Variants in CCDC171 observed in about 807,000 individuals in gnomAD.
The protein encoded by CCDC171 is coiled-coil domain containing 171, also known as coiled-coil domain-containing protein 171.
Under a neutral mutation model 168.2 loss-of-function variants are expected in CCDC171, and 177 were observed. The observed-to-expected ratio is 1.05, with a 90% CI of 0.93 to 1.19. The LOEUF is 1.19. Among genes scored for constraint, CCDC171 ranks in the 50% most tolerant of loss-of-function variants. CCDC171 has a pLI of 0.00. For missense variants in CCDC171, 1,991 were observed against 1,539.0 expected (o/e 1.29, Z -4.91); for synonymous variants, 687 against 540.8 (o/e 1.27, Z -3.75).
At chr9:16,107,646 G>GT in the CCDC171 span, among the ~76,000 whole-genome samples, 2 of 151,962 alleles carry the variant, frequency 1.3e-5, no homozygotes, top group Admixed American at 1.3e-4. Context: ...ACATGTAAGT[G>GT]TTTTTTTCTG....
intron 1 of CCDC171, among the ~76,000 whole-genome samples, chr9:16,046,334 T>C (rs963371938): frequency 6.6e-6 from 1 of 152,106 alleles, no homozygotes; most frequent in Admixed American, 6.5e-5. Flanking sequence ...GCCAGGCTTT[T>C]TGAGGCCCAA....
intron 3 of CCDC171, among the ~76,000 whole-genome samples, chr9:15,985,322 A>G (rs931511439): frequency 6.6e-6 from 1 of 152,148 alleles, no homozygotes; most frequent in African/African-American, 2.4e-5. Flanking sequence ...ATACATTTGC[A>G]GGTATGAACA....
intron 3 of CCDC171, among the ~76,000 whole-genome samples, chr9:15,984,078 C>A (rs1265634164): frequency 2.0e-5 from 1 of 50,202 alleles, no homozygotes; most frequent in East Asian, 4.3e-4. Flanking sequence ...TCAAGCAAAA[C>A]TGGTCAGTAT....
chr9:15,917,418 C>G lies in CCDC171; in HGVS notation c.3601-2852C>G, dbSNP rs552423590. ...TTTTATTTTGTCTCTCAAAATACTA[C>G]TTTAAGAGAGTTGGAATGTTTAAGA... On this transcript the variant is annotated intron_variant, in intron 24 of 25. Coordinates refer to ENST00000380701, the MANE Select transcript of CCDC171 (RefSeq NM_173550.4). Among the ~76,000 whole-genome samples, 252 of 151,726 alleles carry G rather than the reference C, an allele frequency of 1.7e-3. 1 individual carries two copies. Among genetic ancestry groups the G allele is most frequent in the Middle Eastern group, 6.8e-3 (2 of 294 alleles).
In CCDC171 at chr9:15,667,607, T is replaced by C. The variant is rs559860132; in HGVS notation, c.1076+1284T>C. 1.7e-3 allele frequency among the ~76,000 whole-genome samples: 259 copies of C among 152,046 alleles called. 1 individual carries two copies. The highest frequency in any genetic ancestry group is 6.3e-3 in the Admixed American group (96 of 15,246). On this transcript the variant is annotated intron_variant, in intron 9 of 25. Coordinates refer to ENST00000380701, the MANE Select transcript of CCDC171 (RefSeq NM_173550.4). ...GTTGCAGTGAGCTGAGATCGCGCCA[T>C]TGCACTCCAGCCTGGGCAACAGAGG... is the stretch of plus-strand genomic sequence containing the variant.
chr9:15,813,172 G>C (rs1019141041), intron 21 of CCDC171, among the ~76,000 whole-genome samples: 1 of 152,180 alleles, frequency 6.6e-6, no homozygotes, highest in African/African-American at 2.4e-5. Flanking sequence ...TTGGCTAATG[G>C]AATGTGAACA....
At position 15,835,264 on chromosome 9, in the gene CCDC171, G is replaced by A. The variant is rs377101219; in HGVS notation, c.3268-11438G>A. Among the ~76,000 whole-genome samples, 6 of 152,238 alleles carry A rather than the reference G, an allele frequency of 3.9e-5. No individual in the cohort carries two copies. In the East Asian group the frequency reaches 7.7e-4, roughly 20 times the overall value. Reference sequence around the variant, plus strand: ...GATTAAATTTAGTTGCATATTACATGTATTTGTATTTATTTACCATTTGAT... The same window carrying A: ...GATTAAATTTAGTTGCATATTACATATATTTGTATTTATTTACCATTTGAT... On this transcript the variant is annotated intron_variant, in intron 21 of 25. Transcript: ENST00000380701.
At chr9:15,897,906 G>A (rs1033481817) in intron 24 of CCDC171, among the ~76,000 whole-genome samples, 1 of 152,154 alleles carries the variant, frequency 6.6e-6, no homozygotes, top group African/African-American at 2.4e-5. Flanking sequence ...GACAGGCATG[G>A]ATTTGAATCC....
At chr9:15,902,013 A>G (rs1179575786) in intron 24 of CCDC171, among the ~76,000 whole-genome samples, 2 of 152,156 alleles carry the variant, frequency 1.3e-5, no homozygotes, top group African/African-American at 2.4e-5. Flanking sequence ...TTCAAAAAAG[A>G]TGAGGGTTAC....
At chr9:16,100,348 C>T in the CCDC171 span, among the ~76,000 whole-genome samples, 1 of 152,210 alleles carries the variant, frequency 6.6e-6, no homozygotes, top group Non-Finnish European at 1.5e-5. Context: ...ATAAGCCTAT[C>T]TCCAGCCGCT....
chr9:16,088,568 C>T, the CCDC171 span, among the ~76,000 whole-genome samples: 57 of 152,208 alleles, frequency 3.7e-4, no homozygotes, highest in African/African-American at 1.4e-3. Context: ...CATTCTTATA[C>T]ACCAATAACA....
intron 16 of CCDC171, among the ~76,000 whole-genome samples, chr9:15,739,506 T>C (rs1166937869): frequency 6.6e-6 from 1 of 152,162 alleles, no homozygotes; most frequent in Non-Finnish European, 1.5e-5. Context: ...GTAACTTCTC[T>C]AAACCTCAAT....
chr9:15,592,707 C>T (rs1298824980), intron 5 of CCDC171, among the ~76,000 whole-genome samples: 4 of 151,908 alleles, frequency 2.6e-5, no homozygotes, highest in Non-Finnish European at 5.9e-5. Flanking sequence ...TAACCTTCCC[C>T]ACATAAAATG....
chr9:15,781,836 C>G (rs1042152380), intron 20 of CCDC171, among the ~76,000 whole-genome samples: 6 of 152,176 alleles, frequency 3.9e-5, no homozygotes, highest in Middle Eastern at 3.2e-3. Flanking sequence ...CAGACGTTGA[C>G]TCATTTGGTC....
chr9:15,946,245 A>T (rs201029596), intron 25 of CCDC171, among the ~76,000 whole-genome samples: 2 of 151,964 alleles, frequency 1.3e-5, no homozygotes, highest in East Asian at 2.0e-4. Flanking sequence ...TCTATATCTC[A>T]GTTTTGGTAC....
chr9:15,663,404 A>G (rs1375038129), intron 8 of CCDC171, among the ~76,000 whole-genome samples: 2 of 152,120 alleles, frequency 1.3e-5, no homozygotes, highest in Non-Finnish European at 2.9e-5. Flanking sequence ...TTAAAACAAT[A>G]TTAGATCAAG....
chr9:15,944,052 G>A (rs894500965), intron 25 of CCDC171, among the ~76,000 whole-genome samples: 1 of 151,972 alleles, frequency 6.6e-6, no homozygotes, highest in African/African-American at 2.4e-5. Flanking sequence ...TTCTTTTGCA[G>A]TAATGTTGAT....
chr9:15,555,641 T>C lies in CCDC171; in HGVS notation c.-112+2339T>C, dbSNP rs543965336. On this transcript the variant is annotated intron_variant, in intron 1 of 25. Transcript: ENST00000380701. Reference sequence around the variant, plus strand: ...TAAATCCTGACCCTGTCACTAGAGATGTGAGAGATGTGACTTTAGTCAAGT... The same window carrying C: ...TAAATCCTGACCCTGTCACTAGAGACGTGAGAGATGTGACTTTAGTCAAGT... 2.6e-5 allele frequency among the ~76,000 whole-genome samples: 4 copies of C among 152,232 alleles called. No individual in the cohort carries two copies. The South Asian group carries it at 6.2e-4, about 24-fold the overall frequency.
downstream of CCDC171, among the ~76,000 whole-genome samples, chr9:15,977,485 G>T (rs1831659936): frequency 6.6e-6 from 1 of 152,200 alleles, no homozygotes; most frequent in African/African-American, 2.4e-5. Flanking sequence ...AGGTGTGTTT[G>T]ATGCTTAGGC....
Sources: gnomAD v4.1 joint callset for allele counts (sites outside exome capture counted in the v4.1 genomes callset) on GRCh38, gnomAD v4.1.1 for gene constraint, MANE v1.5 for transcripts, NCBI Gene and HGNC (gene_info 2026-07-23, HGNC 2026-07-21) for gene names.